Variants in TRIT1 observed in about 807,000 individuals in gnomAD.
TRIT1 encodes tRNA isopentenyltransferase 1.
In TRIT1, 43 loss-of-function variants were observed where a neutral mutation model predicts 51.2. The ratio of observed to expected loss-of-function variants is 0.84; its 90% CI spans 0.66 to 1.08. TRIT1 has a LOEUF of 1.08. TRIT1 is among the 50% of genes least tolerant of loss of function. The pLI, the probability that TRIT1 is intolerant of heterozygous loss-of-function variation, is 0.00. For synonymous variants in TRIT1, 184 were observed against 203.9 expected (o/e 0.90, Z 0.83); for missense variants, 528 against 578.4 (o/e 0.91, Z 0.89).
chr1:39,877,639 C>CA (rs1444207498), intron 1 of TRIT1, among the ~76,000 whole-genome samples: 1 of 152,192 alleles, frequency 6.6e-6, no homozygotes, highest in East Asian at 1.9e-4. Flanking sequence ...CAAGGGCCTT[C>CA]AATTTTCTCA....
intron 10 of TRIT1, among the ~76,000 whole-genome samples, chr1:39,842,953 C>T (rs1642005730): frequency 6.6e-6 from 1 of 152,144 alleles, no homozygotes; most frequent in African/African-American, 2.4e-5. Context: ...TACAGAAGGG[C>T]TTACACAAGC....
rs756103136 is a variant in TRIT1 at position 39,844,513 on chromosome 1, A to G, written c.1116+18T>C. ...CTCTGAAAACCAGAAAATAGAATGT[A>G]TCATGATTCATAATTACCTGGATGA... On this transcript the variant is annotated intron_variant, in intron 9 of 10. Transcript: ENST00000316891. 1.3e-6 allele frequency: 2 copies of G among 1,587,382 alleles called. No homozygotes were observed. The highest frequency in any genetic ancestry group is 1.7e-6 in the Non-Finnish European group (2 of 1,155,550).
chr1:39,844,581 C>T lies in TRIT1; in HGVS notation c.1066G>A (p.Glu356Lys). The change falls in exon 9 of 11, where the codon GAA becomes AAA. Residue 356 changes from glutamate to lysine, a missense_variant. Glu to Lys is a moderately conservative substitution (Grantham distance 56, BLOSUM62 1). This residue lies in a region of TRIT1 where 468 missense variants were observed against 522.6 expected (regional missense o/e 0.90). Transcript: ENST00000316891. ...AGAGCAGGTTCAAGAACAGACTCTT[C>T]CCACTTCGAGACATCAGATACCTCT... Reference protein sequence around the residue: ...GLEVSDVSKWEESVLEPALEI... With the variant: ...GLEVSDVSKWKESVLEPALEI... The T allele has an allele frequency of 3.7e-6, 6 of 1,614,032 alleles. No homozygotes were observed. Among genetic ancestry groups the T allele is most frequent in the Non-Finnish European group, 5.1e-6 (6 of 1,179,962 alleles).
At chr1:39,858,613 T>C (rs1435681359) in intron 1 of TRIT1, among the ~76,000 whole-genome samples, 1 of 152,210 alleles carries the variant, frequency 6.6e-6, no homozygotes, top group Non-Finnish European at 1.5e-5. Flanking sequence ...AGGGAAATAA[T>C]TTTAGTGTTA....
At chr1:39,868,115 T>C (rs536131749) in intron 1 of TRIT1, among the ~76,000 whole-genome samples, 4 of 152,060 alleles carry the variant, frequency 2.6e-5, no homozygotes, top group Non-Finnish European at 4.4e-5. Context: ...TGGCTATTTT[T>C]TTTTGTATTT....
At chr1:39,857,536 C>T (rs1642971841) in intron 1 of TRIT1, 119 bp from the exon 2 acceptor site, 1 of 1,137,930 alleles carries the variant, frequency 8.8e-7, no homozygotes, top group South Asian at 1.5e-5. Context: ...ACCCAAAGCA[C>T]CAGGGTAGAT....
In TRIT1 at chr1:39,844,621, G is replaced by T. The variant is rs966121263; in HGVS notation, c.1026C>A (p.Pro342=). Residue 342 remains proline, a synonymous_variant, in exon 9 of 11, where the codon CCC becomes CCA. Transcript: ENST00000316891. ...RFLSRPGPIV[P]PVYGLEVSDV... ...CAGATACCTCTAAGCCATAGACAGGGGGGACAATGGGACCAGGTCCTAATG... is the reference window on the plus strand; with the variant it reads ...CAGATACCTCTAAGCCATAGACAGGTGGGACAATGGGACCAGGTCCTAATG... 1 of 1,613,354 alleles carries T rather than the reference G, an allele frequency of 6.2e-7. No individual in the cohort carries two copies. The highest frequency in any genetic ancestry group is 8.5e-7 in the Non-Finnish European group (1 of 1,179,538).
At chr1:39,869,601 C>A (rs1297624087) in intron 1 of TRIT1, among the ~76,000 whole-genome samples, 1 of 151,872 alleles carries the variant, frequency 6.6e-6, no homozygotes, top group Admixed American at 6.6e-5. Context: ...GCCCGGCCGC[C>A]CAGTCTGGGA....
intron 10 of TRIT1, 55 bp from the exon 11 acceptor site, chr1:39,841,968 G>C (rs1641935103): frequency 6.5e-7 from 1 of 1,547,004 alleles, no homozygotes; most frequent in Admixed American, 2.1e-5. Flanking sequence ...GAATTTTCTA[G>C]AATTAATCCT....
In TRIT1 at chr1:39,844,103, G is replaced by T; in HGVS notation, c.1232C>A (p.Ala411Glu). The T allele has an allele frequency of 6.2e-7, 1 of 1,610,970 alleles. No homozygotes were observed. The highest frequency in any genetic ancestry group is 1.1e-5 in the South Asian group (1 of 91,010). ...DRIIIGDREW[A>E]AHIKSKSHLN... ...TCATGCCCCTCCCCATACTCTACCTGCCCATTCGCGATCCCCAATGATGAT... is the reference window on the plus strand; with the variant it reads ...TCATGCCCCTCCCCATACTCTACCTTCCCATTCGCGATCCCCAATGATGAT... The change falls in exon 10 of 11, where the codon GCA (alanine) becomes GAA (glutamate). Residue 411 changes from alanine (A) to glutamate (E), a missense_variant and splice_region_variant. This residue lies in a region of TRIT1 where 468 missense variants were observed against 522.6 expected (regional missense o/e 0.90). Coordinates refer to ENST00000316891, the MANE Select transcript of TRIT1 (RefSeq NM_017646.6).
At chr1:39,858,233 C>A (rs1643013579) in intron 1 of TRIT1, among the ~76,000 whole-genome samples, 1 of 152,172 alleles carries the variant, frequency 6.6e-6, no homozygotes, top group African/African-American at 2.4e-5. Context: ...CCGTAGAGCC[C>A]ACAAAGATGT....
chr1:39,850,289 G>A lies in TRIT1; in HGVS notation c.561-28C>T, dbSNP rs757452552. The A allele has an allele frequency of 6.8e-6, 11 of 1,611,046 alleles. No individual in the cohort carries two copies. The South Asian group carries it at 9.9e-5, about 15-fold the overall frequency. Reference sequence around the variant, plus strand: ...AAGTAATTTAAAAGGGGAGGGAGGGGGCACACCCATAAAAACCAATAGAAA... The same window carrying A: ...AAGTAATTTAAAAGGGGAGGGAGGGAGCACACCCATAAAAACCAATAGAAA... On this transcript the variant is annotated intron_variant, in intron 4 of 10. Transcript: ENST00000316891.
intron 1 of TRIT1, among the ~76,000 whole-genome samples, chr1:39,872,068 A>ATTTTTTTTTTTTTTTTTTTTTTTTTTTTT (rs59839907): frequency 8.8e-6 from 1 of 114,252 alleles, no homozygotes; most frequent in Non-Finnish European, 1.7e-5. Context: ...GGCCTGACTA[A>ATTTTTTTTTTTTTTTTTTTTTTTTTTTTT]TTTTTTTTTT....
chr1:39,867,572 G>C (rs967868881), intron 1 of TRIT1, among the ~76,000 whole-genome samples: 1 of 152,216 alleles, frequency 6.6e-6, no homozygotes, highest in African/African-American at 2.4e-5. Flanking sequence ...CATTAGGGCA[G>C]AGAATGCAAA....
intron 1 of TRIT1, among the ~76,000 whole-genome samples, chr1:39,861,596 C>G (rs1036882535): frequency 6.6e-6 from 1 of 152,076 alleles, no homozygotes; most frequent in Non-Finnish European, 1.5e-5. Context: ...AAAATGTGGT[C>G]TACGCATACA....
intron 1 of TRIT1, 95 bp from the exon 2 acceptor site, chr1:39,857,512 C>A: frequency 7.1e-7 from 1 of 1,418,174 alleles, no homozygotes; most frequent in Non-Finnish European, 9.6e-7. Context: ...TCCCTCCTGC[C>A]AAACACTTCA....
chr1:39,857,756 A>G (rs182209736), intron 1 of TRIT1, among the ~76,000 whole-genome samples: 38 of 152,354 alleles, frequency 2.5e-4, no homozygotes, highest in African/African-American at 8.7e-4. Flanking sequence ...TTTACTTATC[A>G]CAAGACTCCA....
intron 1 of TRIT1, among the ~76,000 whole-genome samples, chr1:39,874,900 T>A (rs978075080): frequency 6.6e-6 from 1 of 151,992 alleles, no homozygotes; most frequent in African/African-American, 2.4e-5. Flanking sequence ...GCTCCTGACC[T>A]CAGGTGATCT....
intron 1 of TRIT1, chr1:39,881,653 G>C (rs1055184479): frequency 1.3e-5 from 2 of 151,986 alleles, no homozygotes; most frequent in African/African-American, 4.8e-5. Flanking sequence ...AATCAACTGA[G>C]ACAACTCAAT....
Sources: gnomAD v4.1 joint callset for allele counts (sites outside exome capture counted in the v4.1 genomes callset) on GRCh38, gnomAD v4.1.1 for gene constraint, gnomAD v4.1.1 regional missense constraint, MANE v1.5 for transcripts, NCBI Gene and HGNC (gene_info 2026-07-23, HGNC 2026-07-21) for gene names.